Variants in C12orf76 observed in about 807,000 individuals in gnomAD.
C12orf76 encodes the protein chromosome 12 open reading frame 76.
C12orf76 carries 6 observed loss-of-function variants against 6.8 expected under a neutral mutation model. The ratio of observed to expected loss-of-function variants is 0.88; its 90% CI spans 0.48 to 1.73. The LOEUF is 1.73. C12orf76 is among the 40% of genes most tolerant of loss of function. C12orf76 has a pLI of 0.01. For synonymous variants in C12orf76, 56 were observed against 43.7 expected, an observed-to-expected ratio of 1.28 and a Z score of -1.11; for missense variants, 99 against 98.2, an observed-to-expected ratio of 1.01 and a Z score of -0.03.
In C12orf76 at chr12:110,073,551, G is replaced by A. The variant is rs1892986802; in HGVS notation, n.84C>T. 2.0e-4 allele frequency: 103 copies of A among 511,682 alleles called. 2 individuals are homozygous for A. Among genetic ancestry groups the A allele is most frequent in the South Asian group, 1.3e-3 (91 of 69,470 alleles). 31.7% of individuals were successfully genotyped at this position (511,682 alleles called of 1,614,324 possible). The stretch of plus-strand genomic sequence containing the variant: ...GCTGCAGCAGGCTGGCACGGTTACA[G>A]CCTCCCTTCCTGCGCGGGGCTGGAC... On this transcript the variant is annotated non_coding_transcript_exon_variant, in exon 1 of 2. Transcript: ENST00000548936.
upstream of C12orf76, chr12:110,050,862 T>C (rs73404650): frequency 8.2e-4 from 503 of 611,324 alleles, 2 homozygotes; most frequent in African/African-American, 8.3e-3. Context: ...AAGAACCCCC[T>C]CTTGGGGTCT....
rs1892331020 is a variant in C12orf76 at position 110,042,159 on chromosome 12, T to C, written c.*215A>G. On this transcript the variant is annotated 3_prime_UTR_variant, in exon 2 of 2. Transcript: ENST00000615315. ...TTTTAACAAGTACAGTCAGAAACAC[T>C]GAGAAGCGGACTCAGGGGCCAATTA... 1 of 578,552 alleles carries C rather than the reference T, an allele frequency of 1.7e-6. No individual in the cohort carries two copies. Among genetic ancestry groups the C allele is most frequent in the Non-Finnish European group, 3.1e-6 (1 of 322,560 alleles). 35.8% of individuals were successfully genotyped at this position (578,552 alleles called of 1,614,324 possible). A position where few individuals can be genotyped will look rare whatever the true frequency, so the allele number is the denominator to read the frequency against.
In C12orf76 at chr12:110,061,935, C is replaced by T. The variant is rs11837014; in HGVS notation, n.381-2772G>A. Among the ~76,000 whole-genome samples, 813 of 152,194 alleles carry T rather than the reference C, an allele frequency of 5.3e-3. 11 individuals carry two copies. Among genetic ancestry groups the T allele is most frequent in the African/African-American group, 0.019 (784 of 41,538 alleles). ...TGGCTACACGACCTTGGACAAGTGA[C>T]TTAACCTTTCTGAGTCATTGTTTCT... On this transcript the variant is annotated intron_variant and non_coding_transcript_variant, in intron 2 of 4. Coordinates refer to the C12orf76 transcript ENST00000309050.
At chr12:110,069,215 C>T (rs565758846), upstream of C12orf76, among the ~76,000 whole-genome samples, 2 of 152,170 alleles carry the variant, frequency 1.3e-5, no homozygotes, top group South Asian at 2.1e-4. Context: ...CCAAGGCGGG[C>T]GGATCACGAG....
upstream of C12orf76, among the ~76,000 whole-genome samples, chr12:110,053,862 T>A (rs1463438740): frequency 1.3e-5 from 2 of 151,822 alleles, no homozygotes; most frequent in East Asian, 3.9e-4. Context: ...AGCAGGGGAA[T>A]TGCTTGAGCC....
chr12:110,069,527 C>T (rs1260176905), upstream of C12orf76, among the ~76,000 whole-genome samples: 1 of 152,216 alleles, frequency 6.6e-6, no homozygotes, highest in Non-Finnish European at 1.5e-5. Context: ...GCAAACAACT[C>T]CTTCTTCCCA....
At chr12:110,068,247 A>AAAGAAGAAGAAGAAAAAGAAGAAG, upstream of C12orf76, among the ~76,000 whole-genome samples, 1 of 63,816 alleles carries the variant, frequency 1.6e-5, no homozygotes, top group African/African-American at 6.1e-5. Context: ...GAAGAAGAAG[A>AAAGAAGAAGAAGAAAAAGAAGAAG]AAGAAGAAGA....
intron 1 of C12orf76, among the ~76,000 whole-genome samples, chr12:110,066,644 C>T (rs1396188562): frequency 3.3e-5 from 5 of 151,896 alleles, no homozygotes; most frequent in African/African-American, 4.8e-5. Flanking sequence ...GCCAAGATCG[C>T]GCCATTTCAC....
At chr12:110,047,492 C>T (rs1301851080) in intron 1 of C12orf76, among the ~76,000 whole-genome samples, 1 of 151,942 alleles carries the variant, frequency 6.6e-6, no homozygotes, top group Non-Finnish European at 1.5e-5. Context: ...AGTTCGAGAC[C>T]CCCACCTCTA....
intron 2 of C12orf76, among the ~76,000 whole-genome samples, chr12:110,059,878 G>A (rs1892740509): frequency 6.6e-6 from 1 of 152,150 alleles, no homozygotes; most frequent in Admixed American, 6.5e-5. Context: ...AAAGTTACAG[G>A]GGGAAAGATT....
In C12orf76 at chr12:110,043,425, AG is replaced by A. The variant is rs553182931; in HGVS notation, c.134-967del. Among the ~76,000 whole-genome samples the A allele has an allele frequency of 1.9e-3, 284 of 152,226 alleles. 4 individuals are homozygous for A. The highest frequency in any genetic ancestry group is 1.9e-3 in the South Asian group (9 of 4,824). On this transcript the variant is annotated intron_variant, in intron 1 of 1. Coordinates refer to ENST00000615315, the MANE Select transcript of C12orf76 (RefSeq NM_001389625.1). ...TTTGTGTGGAGAATTGTTTGACTAT[AG>A]GGGAGCAAGAGAGCAGGATGCCCAA...
At chr12:110,051,278 C>G (rs747546688), upstream of C12orf76, 1 of 718,202 alleles carries the variant, frequency 1.4e-6, no homozygotes, top group African/African-American at 1.7e-5. Flanking sequence ...GACTTGCTTC[C>G]GTGTGACTCG....
chr12:110,057,341 A>C, intron 3 of C12orf76: 13 of 1,279,390 alleles, frequency 1.0e-5, no homozygotes, highest in Non-Finnish European at 1.5e-5. Context: ...TGAGCCTCCA[A>C]AGTGAACTGC....
At chr12:110,065,817 C>T (rs370170608) in intron 2 of C12orf76, 8 of 1,614,050 alleles carry the variant, frequency 5.0e-6, no homozygotes, top group African/African-American at 1.3e-5. Context: ...TCCAACTCTT[C>T]CCCTGTCCTG....
At chr12:110,053,401 A>C (rs1331049526), upstream of C12orf76, among the ~76,000 whole-genome samples, 1 of 152,166 alleles carries the variant, frequency 6.6e-6, no homozygotes, top group African/African-American at 2.4e-5. Context: ...CCGGAGGCTG[A>C]GGCAGGAGAA....
upstream of C12orf76, chr12:110,050,970 G>A (rs771027097): frequency 1.4e-6 from 1 of 739,176 alleles, no homozygotes; most frequent in South Asian, 1.4e-5. Flanking sequence ...TAAGTGTTGG[G>A]GTCCGTTAAC....
At chr12:110,072,866 T>C (rs1368388452) in intron 1 of C12orf76, among the ~76,000 whole-genome samples, 1 of 150,078 alleles carries the variant, frequency 6.7e-6, no homozygotes, top group Admixed American at 6.7e-5. Context: ...GCGAATCTCC[T>C]GAACCCAGGA....
At chr12:110,068,329 A>AAGAAGAAGAAGAAGAAGG (rs1157443112), upstream of C12orf76, among the ~76,000 whole-genome samples, 6 of 127,108 alleles carry the variant, frequency 4.7e-5, no homozygotes, top group African/African-American at 1.4e-4. Context: ...GAAGAAGAAG[A>AAGAAGAAGAAGAAGAAGG]AGGCGGCCAA....
At chr12:110,061,418 T>A (rs1427896099) in intron 2 of C12orf76, among the ~76,000 whole-genome samples, 1 of 152,180 alleles carries the variant, frequency 6.6e-6, no homozygotes, top group Admixed American at 6.6e-5. Context: ...CTCTACTACC[T>A]CCTCAGTCCA....
Sources: allele counts gnomAD v4.1 joint callset (sites outside exome capture counted in the v4.1 genomes callset), GRCh38; gene constraint gnomAD v4.1.1; transcripts MANE v1.5; gene names NCBI Gene and HGNC (gene_info 2026-07-23, HGNC 2026-07-21).